The following XXYLT1 variants were observed in gnomAD, a reference collection of about 807,000 sequenced individuals.
XXYLT1 encodes xyloside xylosyltransferase 1.
Under a neutral mutation model 28.9 loss-of-function variants are expected in XXYLT1, and 20 were observed. The observed-to-expected ratio is 0.69, with a 90% CI of 0.49 to 1.00. XXYLT1 has a LOEUF of 1.00. XXYLT1 is among the 50% of genes least tolerant of loss of function. The probability of loss-of-function intolerance (pLI) is 0.00; values close to 1 mark genes in which losing one functional copy is unlikely to be tolerated. For synonymous variants in XXYLT1, 257 were observed against 253.8 expected, an observed-to-expected ratio of 1.01 and a Z score of -0.12; for missense variants, 542 against 560.1, an observed-to-expected ratio of 0.97 and a Z score of 0.33.
intron 2 of XXYLT1, among the ~76,000 whole-genome samples, chr3:195,163,601 C>G (rs973226381): frequency 6.6e-6 from 1 of 152,248 alleles, no homozygotes; most frequent in Non-Finnish European, 1.5e-5. Context: ...CATGCTTTAA[C>G]TCGTTTGATC....
rs1483426255 is a variant in XXYLT1, at chr3:195,110,553, T to C, written c.786-40442A>G. 8.4e-5 allele frequency among the ~76,000 whole-genome samples: 7 copies of C among 83,030 alleles called. 2 individuals are homozygous for C. The highest frequency in any genetic ancestry group is 1.8e-4 in the African/African-American group (4 of 22,724). The allele number at this position is 83,030 out of a possible 152,430, so 54.5% of individuals were successfully genotyped here. A position where few individuals can be genotyped will look rare whatever the true frequency, so the allele number is the denominator to read the frequency against. On this transcript the variant is annotated intron_variant, in intron 3 of 3. Transcript: ENST00000310380. The stretch of plus-strand genomic sequence containing the variant: ...TACGTGTGCGTGTGTGTGGTGTGTG[T>C]GTGGTGTATGTATGTGGTGTGTTGT...
intron 3 of XXYLT1, among the ~76,000 whole-genome samples, chr3:195,128,212 A>G (rs1340692804): frequency 6.6e-6 from 1 of 152,160 alleles, no homozygotes; most frequent in Non-Finnish European, 1.5e-5. Context: ...GCCTCAGTAC[A>G]GCCCCCCAGG....
chr3:195,188,195 A>G (rs1193497368), intron 2 of XXYLT1, among the ~76,000 whole-genome samples: 1 of 152,274 alleles, frequency 6.6e-6, no homozygotes, highest in Admixed American at 6.5e-5. Flanking sequence ...CCAGCTAACC[A>G]CAAATATAGG....
At chr3:195,231,697 A>G (rs1724306131) in intron 1 of XXYLT1, among the ~76,000 whole-genome samples, 1 of 151,660 alleles carries the variant, frequency 6.6e-6, no homozygotes, top group African/African-American at 2.4e-5. Context: ...TTGGTTTGTG[A>G]ACGTTGAACC....
At chr3:195,175,549 G>C (rs1721621943) in intron 2 of XXYLT1, 5 of 1,529,914 alleles carry the variant, frequency 3.3e-6, no homozygotes, top group South Asian at 1.2e-5. Flanking sequence ...GAGATTCCTA[G>C]GGGTAGTTAG....
intron 2 of XXYLT1, among the ~76,000 whole-genome samples, chr3:195,216,269 AAC>A (rs1312144763): frequency 7.4e-5 from 11 of 149,586 alleles, no homozygotes; most frequent in African/African-American, 2.7e-4. Flanking sequence ...AGCAAGAGCA[AAC>A]ACATTCAAAA....
At chr3:195,098,324 C>T (rs569396093) in intron 3 of XXYLT1, among the ~76,000 whole-genome samples, 4 of 152,236 alleles carry the variant, frequency 2.6e-5, no homozygotes, top group African/African-American at 7.2e-5. Context: ...GAGGCTGAGG[C>T]GGGTGGATCA....
intron 3 of XXYLT1, among the ~76,000 whole-genome samples, chr3:195,131,812 C>G (rs1381978215): frequency 6.6e-6 from 1 of 152,238 alleles, no homozygotes; most frequent in Non-Finnish European, 1.5e-5. Flanking sequence ...GTGAAAAGAA[C>G]ACTCAATTAT....
intron 3 of XXYLT1, among the ~76,000 whole-genome samples, chr3:195,122,843 T>C (rs1173756453): frequency 6.6e-6 from 1 of 152,182 alleles, no homozygotes; most frequent in Non-Finnish European, 1.5e-5. Flanking sequence ...TCACTGTGCC[T>C]GGGGCTGTTT....
At position 195,074,325 on chromosome 3, in the gene XXYLT1, C is replaced by T. The variant is rs541577894; in HGVS notation, c.786-4214G>A. Among the ~76,000 whole-genome samples the T allele has an allele frequency of 1.3e-4, 20 of 152,312 alleles. No homozygotes were observed. The South Asian group carries it at 3.7e-3, about 28-fold the overall frequency. Reference sequence around the variant, plus strand: ...GGCCTCGCAAGGCGTACCTCTGGGGCGTCCTTCAGCCTTGAGAGCAGTCAC... The same window carrying T: ...GGCCTCGCAAGGCGTACCTCTGGGGTGTCCTTCAGCCTTGAGAGCAGTCAC... On this transcript the variant is annotated intron_variant, in intron 3 of 3. Coordinates refer to ENST00000310380, the MANE Select transcript of XXYLT1 (RefSeq NM_152531.5).
At position 195,076,365 on chromosome 3, in the gene XXYLT1, G is replaced by A. The variant is rs1186199646; in HGVS notation, c.786-6254C>T. On this transcript the variant is annotated intron_variant, in intron 3 of 3. Transcript: ENST00000310380. The surrounding 1 kb of genome is among the most constrained non-coding windows in gnomAD (Gnocchi z 5.3). ...GACTGCGGCACAGACATTGGAACTCGACCGCGCGTGTTCCCGGAGTCTGAG... is the reference window on the plus strand; with the variant it reads ...GACTGCGGCACAGACATTGGAACTCAACCGCGCGTGTTCCCGGAGTCTGAG... Among the ~76,000 whole-genome samples, 1 of 150,534 alleles carries A rather than the reference G, an allele frequency of 6.6e-6. No individual in the cohort carries two copies. The highest frequency in any genetic ancestry group is 1.5e-5 in the Non-Finnish European group (1 of 67,776).
chr3:195,113,676 A>G (rs932595501), intron 3 of XXYLT1, among the ~76,000 whole-genome samples: 1 of 152,106 alleles, frequency 6.6e-6, no homozygotes, highest in African/African-American at 2.4e-5. Flanking sequence ...TTCCACAAAC[A>G]CCTACTCGGA....
rs1417280240 is a variant in XXYLT1 at position 195,115,338 on chromosome 3, T to TA, written c.785+41110dup. Among the ~76,000 whole-genome samples the TA allele has an allele frequency of 6.6e-6, 1 of 152,134 alleles. No individual in the cohort carries two copies. The highest frequency in any genetic ancestry group is 2.1e-4 in the South Asian group (1 of 4,834). On this transcript the variant is annotated intron_variant, in intron 3 of 3. Transcript: ENST00000310380. The surrounding 1 kb of genome is among the most constrained non-coding windows in gnomAD (Gnocchi z 4.2). ...ACTCCATAATCCTCAGACCTCAACT[T>TA]AGACTGTTCATCCTTCAGCCTCCTA... is the stretch of plus-strand genomic sequence containing the variant.
rs1049919872 is a variant in XXYLT1, at chr3:195,237,021, T to G, written c.505-10165A>C. On this transcript the variant is annotated intron_variant, in intron 1 of 3. Transcript: ENST00000310380. ...TCTCCTCTAACAGAAGGAGGGGGTC[T>G]CTTTTGGAGCTGTGAGCTGCGCTGC... Among the ~76,000 whole-genome samples the G allele has an allele frequency of 3.3e-5, 5 of 152,242 alleles. No homozygotes were observed. In the South Asian group the frequency reaches 1.0e-3, roughly 32 times the overall value.
intron 2 of XXYLT1, among the ~76,000 whole-genome samples, chr3:195,183,265 T>C (rs1270972882): frequency 6.6e-6 from 1 of 152,178 alleles, no homozygotes; most frequent in Non-Finnish European, 1.5e-5. Context: ...GATTGGATCA[T>C]GGGGGCAGTT....
At chr3:195,139,912 C>T (rs762296678) in intron 3 of XXYLT1, among the ~76,000 whole-genome samples, 45 of 152,202 alleles carry the variant, frequency 3.0e-4, no homozygotes, top group Admixed American at 1.0e-3. Flanking sequence ...GATTCTGTGG[C>T]AGACATAATA....
At chr3:195,145,501 G>C (rs1719793467) in intron 3 of XXYLT1, among the ~76,000 whole-genome samples, 1 of 146,970 alleles carries the variant, frequency 6.8e-6, no homozygotes, top group Non-Finnish European at 1.5e-5. Context: ...TCACTCCACG[G>C]TGACCGGCAC....
intron 1 of XXYLT1, among the ~76,000 whole-genome samples, chr3:195,260,654 C>T (rs574135261): frequency 1.3e-5 from 2 of 152,228 alleles, no homozygotes; most frequent in Non-Finnish European, 2.9e-5. Flanking sequence ...TCTCAACCGA[C>T]CCCTCCGAAA....
At chr3:195,112,592 C>T (rs1333631382) in intron 3 of XXYLT1, among the ~76,000 whole-genome samples, 3 of 146,594 alleles carry the variant, frequency 2.0e-5, no homozygotes, top group African/African-American at 4.9e-5. Context: ...CGCACACACA[C>T]ACACGCATGC....
Sources: gnomAD v4.1 joint callset for allele counts (sites outside exome capture counted in the v4.1 genomes callset) on GRCh38, gnomAD v4.1.1 for gene constraint, Gnocchi (gnomAD v3.1) non-coding constraint, MANE v1.5 for transcripts, NCBI Gene and HGNC (gene_info 2026-07-23, HGNC 2026-07-21) for gene names.